RSPH14: variants seen among roughly 807,000 people sequenced by gnomAD.
RSPH14 encodes the protein radial spoke head 14 homolog.
Under a neutral mutation model 26.7 loss-of-function variants are expected in RSPH14, and 20 were observed. The ratio of observed to expected loss-of-function variants is 0.75; its 90% CI spans 0.53 to 1.09. The LOEUF (loss-of-function observed/expected upper bound fraction) is 1.09. Among genes scored for constraint, RSPH14 ranks in the 50% least tolerant of loss-of-function variants. RSPH14 has a pLI of 0.00. For synonymous variants in RSPH14, 177 were observed against 189.3 expected (o/e 0.93, Z 0.53); for missense variants, 449 against 457.2 (o/e 0.98, Z 0.16).
chr22:23,081,544 G>A (rs2068678038), intron 4 of RSPH14, among the ~76,000 whole-genome samples: 1 of 151,862 alleles, frequency 6.6e-6, no homozygotes, highest in Non-Finnish European at 1.5e-5. Flanking sequence ...ATATGTTATA[G>A]GCCAATCAGG....
At chr22:23,119,462 C>T (rs2069946295) in intron 4 of RSPH14, among the ~76,000 whole-genome samples, 1 of 152,244 alleles carries the variant, frequency 6.6e-6, no homozygotes, top group Non-Finnish European at 1.5e-5. Context: ...CTGAGAGCTG[C>T]AGGCCTCTGG....
At chr22:23,153,226 G>C in the RSPH14 span, 1 of 977,814 alleles carries the variant, frequency 1.0e-6, no homozygotes, top group Non-Finnish European at 1.6e-6. Flanking sequence ...TCCATGTCAA[G>C]GAGGACTAGT....
chr22:23,099,216 G>A (rs751926810), intron 4 of RSPH14, among the ~76,000 whole-genome samples: 7 of 152,244 alleles, frequency 4.6e-5, no homozygotes, highest in Admixed American at 3.3e-4. Flanking sequence ...CTGGGCTCCC[G>A]GGTGTGAGGG....
intron 4 of RSPH14, among the ~76,000 whole-genome samples, chr22:23,109,718 C>G (rs951523095): frequency 3.3e-5 from 5 of 152,214 alleles, no homozygotes; most frequent in Admixed American, 6.5e-5. Flanking sequence ...ACGGGGGCAG[C>G]AGGGTTCAGT....
chr22:23,145,515 A>T (rs752245439), upstream of RSPH14: 19 of 1,604,864 alleles, frequency 1.2e-5, no homozygotes, highest in Admixed American at 1.7e-5. Flanking sequence ...CAGGCGGACC[A>T]GGCCGCGCGG....
the RSPH14 span, chr22:23,150,214 C>A: frequency 7.5e-7 from 1 of 1,330,954 alleles, no homozygotes; most frequent in Non-Finnish European, 1.1e-6. Context: ...GTGCATGAAG[C>A]ACGTGAAAGA....
chr22:23,060,325 G>T lies in RSPH14; in HGVS notation c.791-607C>A, dbSNP rs372694193. On this transcript the variant is annotated intron_variant, in intron 6 of 6. Transcript: ENST00000216036. ...TCTCTATTAAAAATACAAAAAATTAGCCGGGCATGGTGGCGGGCGCCTGTA... is the reference window on the plus strand; with the variant it reads ...TCTCTATTAAAAATACAAAAAATTATCCGGGCATGGTGGCGGGCGCCTGTA... 4.2e-3 allele frequency among the ~76,000 whole-genome samples: 634 copies of T among 152,020 alleles called. 4 individuals are homozygous for T. The highest frequency in any genetic ancestry group is 0.015 in the African/African-American group (604 of 41,462).
chr22:23,062,080 T>C (rs2068109568), intron 5 of RSPH14, 135 bp from the exon 6 acceptor site: 1 of 1,096,104 alleles, frequency 9.1e-7, no homozygotes, highest in Non-Finnish European at 1.3e-6. Context: ...CTGGTCCCCA[T>C]GATCCAGGAC....
chr22:23,086,745 A>G (rs889055440), intron 4 of RSPH14, among the ~76,000 whole-genome samples: 2 of 152,360 alleles, frequency 1.3e-5, no homozygotes, highest in Middle Eastern at 3.4e-3. Context: ...GAGAGGGGAA[A>G]TGCAGTCATG....
chr22:23,142,144 G>T, upstream of RSPH14: 1 of 540,078 alleles, frequency 1.9e-6, no homozygotes, highest in Non-Finnish European at 2.4e-6. Context: ...TTACAGGGTT[G>T]CTGTGGAGAC....
chr22:23,164,040 AG>A, the RSPH14 span: 1 of 152,256 alleles, frequency 6.6e-6, no homozygotes, highest in South Asian at 2.1e-4. Context: ...GTACTCAGGA[AG>A]GCCCTTCTCC....
At chr22:23,110,869 G>A (rs963019440) in intron 4 of RSPH14, among the ~76,000 whole-genome samples, 4 of 152,292 alleles carry the variant, frequency 2.6e-5, no homozygotes, top group South Asian at 2.1e-4. Context: ...TGAGGCTGGC[G>A]AGCACACGGG....
intron 4 of RSPH14, among the ~76,000 whole-genome samples, chr22:23,098,718 C>G (rs928835487): frequency 6.6e-6 from 1 of 152,262 alleles, no homozygotes; most frequent in African/African-American, 2.4e-5. Context: ...CATGCTCTAC[C>G]AGTAATATCT....
the RSPH14 span, among the ~76,000 whole-genome samples, chr22:23,159,706 A>G: frequency 6.6e-6 from 1 of 152,192 alleles, no homozygotes. Context: ...AATGCCAGGC[A>G]TGTGACATCA....
chr22:23,175,946 C>T, the RSPH14 span, among the ~76,000 whole-genome samples: 1 of 152,240 alleles, frequency 6.6e-6, no homozygotes, highest in African/African-American at 2.4e-5. Flanking sequence ...CTGGCCAGTC[C>T]CTTCTCAGTC....
the RSPH14 span, among the ~76,000 whole-genome samples, chr22:23,155,342 C>G: frequency 2.0e-5 from 3 of 152,198 alleles, no homozygotes; most frequent in African/African-American, 4.8e-5. Context: ...TAGACTGTGC[C>G]CATGGCAGAC....
intron 4 of RSPH14, among the ~76,000 whole-genome samples, chr22:23,125,221 A>T (rs1319370796): frequency 6.6e-6 from 1 of 152,158 alleles, no homozygotes; most frequent in Non-Finnish European, 1.5e-5. Flanking sequence ...AGAGGAAAGA[A>T]ACTGCAAAGA....
intron 4 of RSPH14, among the ~76,000 whole-genome samples, chr22:23,130,104 AAAG>A (rs1484822858): frequency 1.2e-5 from 1 of 86,908 alleles, no homozygotes; most frequent in Non-Finnish European, 2.5e-5. Flanking sequence ...AGAAAGAAAG[AAAG>A]AAAGAAAGAA....
At chr22:23,153,637 C>T in the RSPH14 span, 1 of 985,028 alleles carries the variant, frequency 1.0e-6, no homozygotes, top group Non-Finnish European at 1.2e-6. Flanking sequence ...CGTCTTCCTC[C>T]TCACACTGCA....
Sources: gnomAD v4.1 joint callset for allele counts (sites outside exome capture counted in the v4.1 genomes callset) on GRCh38, gnomAD v4.1.1 for gene constraint, MANE v1.5 for transcripts, NCBI Gene and HGNC (gene_info 2026-07-23, HGNC 2026-07-21) for gene names.